The following FGL1 variants were observed in gnomAD, a reference collection of about 807,000 sequenced individuals.
The protein encoded by FGL1 is fibrinogen like 1.
A neutral mutation model predicts 43.7 loss-of-function variants in FGL1; 59 were observed. The ratio of observed to expected loss-of-function variants is 1.35; its 90% CI spans 1.10 to 1.68. The LOEUF (loss-of-function observed/expected upper bound fraction) is 1.68. Ranked by LOEUF, FGL1 falls within the 40% of genes most tolerant of loss-of-function variation. The probability of loss-of-function intolerance (pLI) is 0.00; values close to 1 mark genes in which losing one functional copy is unlikely to be tolerated. For synonymous variants in FGL1, 192 were observed against 126.5 expected (o/e 1.52, Z -3.48); for missense variants, 596 against 373.0 (o/e 1.60, Z -4.92).
In FGL1 at chr8:17,864,453, T is replaced by C. The variant is rs901414634; in HGVS notation, c.*139A>G. 3 of 856,766 alleles carry C rather than the reference T, an allele frequency of 3.5e-6. No homozygotes were observed. The highest frequency in any genetic ancestry group is 5.2e-6 in the Non-Finnish European group (3 of 576,462). 53.1% of individuals were successfully genotyped at this position (856,766 alleles called of 1,614,324 possible). ...TCTGCTGTACTGAAAGCACATTAAG[T>C]AACAAAGGCAAGTGAGAAGAATGAA... On this transcript the variant is annotated 3_prime_UTR_variant, in exon 8 of 8. Transcript: ENST00000427924.
intron 3 of FGL1, among the ~76,000 whole-genome samples, chr8:17,878,726 T>C (rs2053493148): frequency 6.6e-6 from 1 of 152,182 alleles, no homozygotes; most frequent in Non-Finnish European, 1.5e-5. Flanking sequence ...TACCATCAGA[T>C]AAATTAGAAT....
chr8:17,883,603 A>G (rs1399838616), intron 2 of FGL1, among the ~76,000 whole-genome samples: 4 of 142,474 alleles, frequency 2.8e-5, no homozygotes, highest in Non-Finnish European at 6.0e-5. Context: ...ATAAAATTAC[A>G]TAATGGATTT....
intron 5 of FGL1, among the ~76,000 whole-genome samples, chr8:17,872,927 G>A (rs1271564813): frequency 6.6e-6 from 1 of 152,110 alleles, no homozygotes; most frequent in African/African-American, 2.4e-5. Context: ...TTGAGTAATG[G>A]GCAAACGGAT....
At chr8:17,884,089 C>A (rs918335979) in intron 2 of FGL1, among the ~76,000 whole-genome samples, 1 of 142,958 alleles carries the variant, frequency 7.0e-6, no homozygotes, top group Non-Finnish European at 1.5e-5. Flanking sequence ...CCTTCCCTCC[C>A]TCCCTCCCTT....
chr8:17,880,082 T>C (rs2053512178), intron 3 of FGL1, among the ~76,000 whole-genome samples: 1 of 152,162 alleles, frequency 6.6e-6, no homozygotes, highest in African/African-American at 2.4e-5. Context: ...CAAGCCCATT[T>C]TTACCCGAAC....
intron 5 of FGL1, among the ~76,000 whole-genome samples, chr8:17,873,446 G>C (rs539468322): frequency 6.6e-6 from 1 of 152,068 alleles, no homozygotes; most frequent in Non-Finnish European, 1.5e-5. Context: ...ATGATCAGCA[G>C]AGCCCAGCCC....
At chr8:17,880,973 T>C (rs1008458525) in intron 3 of FGL1, among the ~76,000 whole-genome samples, 1 of 152,208 alleles carries the variant, frequency 6.6e-6, no homozygotes, top group Non-Finnish European at 1.5e-5. Flanking sequence ...TTAGTAATTC[T>C]GGTTCTTTTT....
chr8:17,891,949 G>T, intron 1 of FGL1: 1 of 204,588 alleles, frequency 4.9e-6, no homozygotes, highest in Non-Finnish European at 8.6e-6. Flanking sequence ...AATCCCAAAA[G>T]AAAATATATA....
At position 17,875,708 on chromosome 8, in the gene FGL1, G is replaced by A. The variant is rs532255278; in HGVS notation, c.245-1187C>T. ...CAACCTCCGCCTCCCGGGTTCAAGC[G>A]ATTCTCCTGCCTCAGCCTCCTGAGT... is the stretch of plus-strand genomic sequence containing the variant. On this transcript the variant is annotated intron_variant, in intron 3 of 7. Transcript: ENST00000427924. Among the ~76,000 whole-genome samples the A allele has an allele frequency of 1.1e-4, 17 of 151,868 alleles. No individual in the cohort carries two copies. In the South Asian group the frequency reaches 2.7e-3, roughly 24 times the overall value.
chr8:17,868,276 C>A (rs536354532), intron 7 of FGL1: 232 of 235,590 alleles, frequency 9.8e-4, no homozygotes, highest in African/African-American at 5.0e-3. Context: ...GAATTTGTGG[C>A]CTTCTATTTA....
intron 3 of FGL1, among the ~76,000 whole-genome samples, chr8:17,876,666 T>G (rs570160121): frequency 6.6e-6 from 1 of 152,314 alleles, no homozygotes; most frequent in African/African-American, 2.4e-5. Context: ...TAAGCAGATT[T>G]TAGCCCTATT....
intron 1 of FGL1, chr8:17,891,786 T>C (rs1585153980): frequency 1.0e-6 from 1 of 984,054 alleles, no homozygotes; most frequent in East Asian, 1.1e-4. Context: ...GATGTCTTTA[T>C]CAGATTCCCT....
intron 7 of FGL1, among the ~76,000 whole-genome samples, chr8:17,867,997 G>A (rs942991291): frequency 6.6e-6 from 1 of 152,056 alleles, no homozygotes; most frequent in African/African-American, 2.4e-5. Flanking sequence ...AATCAAAAAC[G>A]GAATGAATTT....
At position 17,864,766 on chromosome 8, in the gene FGL1, A is replaced by C. The variant is rs779109547; in HGVS notation, c.780-15T>G. Reference sequence around the variant, plus strand: ...CAGAGTGACACCTAGTGGAAGGGAGAAAAAAAAAGAAAACAACAATCAGAC... The same window carrying C: ...CAGAGTGACACCTAGTGGAAGGGAGCAAAAAAAAGAAAACAACAATCAGAC... On this transcript the variant is annotated splice_polypyrimidine_tract_variant and intron_variant, in intron 7 of 7. Coordinates refer to ENST00000427924, the MANE Select transcript of FGL1 (RefSeq NM_004467.4). The C allele has an allele frequency of 7.1e-7, 1 of 1,408,946 alleles. No homozygotes were observed. Among genetic ancestry groups the C allele is most frequent in the Non-Finnish European group, 9.3e-7 (1 of 1,071,694 alleles). The allele number at this position is 1,408,946 out of a possible 1,614,324, so 87.3% of individuals were successfully genotyped here. A position where few individuals can be genotyped will look rare whatever the true frequency, so the allele number is the denominator to read the frequency against.
chr8:17,880,704 G>A (rs2053521872), intron 3 of FGL1, among the ~76,000 whole-genome samples: 2 of 152,162 alleles, frequency 1.3e-5, no homozygotes, highest in South Asian at 4.1e-4. Context: ...GCATGGTAGT[G>A]CTAGAATAGA....
At chr8:17,888,188 A>C (rs2053656255) in intron 1 of FGL1, among the ~76,000 whole-genome samples, 1 of 152,154 alleles carries the variant, frequency 6.6e-6, no homozygotes. Flanking sequence ...ACATTTACCA[A>C]TGTGAAAAAG....
rs1172572579 is a variant in FGL1 at position 17,875,481 on chromosome 8, CTCTTTCTTTCTTTCTTTCTT to C, written c.245-980_245-961del. ...CCCCTTTGTCACCAAAAAGTGATAT[CTCTTTCTTTCTTTCTTTCTT>C]TCTTTCTTTCTTTCTTTCTTTCTTT... On this transcript the variant is annotated intron_variant, in intron 3 of 7. Transcript: ENST00000427924. Among the ~76,000 whole-genome samples, 19 of 129,766 alleles carry C rather than the reference CTCTTTCTTTCTTTCTTTCTT, an allele frequency of 1.5e-4. 1 individual carries two copies. Among genetic ancestry groups the C allele is most frequent in the African/African-American group, 5.2e-4 (16 of 30,772 alleles). The allele number at this position is 129,766 out of a possible 152,430, so 85.1% of individuals were successfully genotyped here.
chr8:17,866,308 C>G (rs150256065), intron 7 of FGL1, among the ~76,000 whole-genome samples: 2 of 151,776 alleles, frequency 1.3e-5, no homozygotes, highest in African/African-American at 4.8e-5. Context: ...GCTACACTAA[C>G]AAAGAAAAGA....
chr8:17,892,925 C>T (rs564378137), intron 1 of FGL1, among the ~76,000 whole-genome samples: 1 of 152,196 alleles, frequency 6.6e-6, no homozygotes, highest in Non-Finnish European at 1.5e-5. Context: ...CTTAGCCAGG[C>T]GTGGTGGCTC....
Sources: gnomAD v4.1 joint callset for allele counts (sites outside exome capture counted in the v4.1 genomes callset) on GRCh38, gnomAD v4.1.1 for gene constraint, MANE v1.5 for transcripts, NCBI Gene and HGNC (gene_info 2026-07-23, HGNC 2026-07-21) for gene names.